ATRNL1: variants seen among roughly 807,000 people sequenced by gnomAD.
ATRNL1 encodes attractin-like protein 1.
ATRNL1 carries 95 observed loss-of-function variants against 182.7 expected under a neutral mutation model. The observed-to-expected ratio is 0.52, with a 90% CI of 0.44 to 0.62. ATRNL1 has a LOEUF of 0.62. Ranked by LOEUF, ATRNL1 falls within the 20% of genes least tolerant of loss-of-function variation. The pLI is 0.00. For missense variants in ATRNL1, 1,471 were observed against 1,679.5 expected (o/e 0.88, Z 2.17); for synonymous variants, 576 against 568.3 (o/e 1.01, Z -0.19).
chr10:115,714,169 T>A lies in ATRNL1; in HGVS notation c.3796-13079T>A, dbSNP rs142577333. 1.6e-3 allele frequency among the ~76,000 whole-genome samples: 249 copies of A among 151,964 alleles called. 4 individuals are homozygous for A. The highest frequency in any genetic ancestry group is 5.6e-3 in the African/African-American group (232 of 41,234). Reference sequence around the variant, plus strand: ...TAAGGAAATGGAGTGGCTTATTTGATTTCTAAATTTAAGTGAAATAAACAG... The same window carrying A: ...TAAGGAAATGGAGTGGCTTATTTGAATTCTAAATTTAAGTGAAATAAACAG... On this transcript the variant is annotated intron_variant, in intron 26 of 28. Transcript: ENST00000355044.
chr10:115,699,570 A>G (rs1555050863), intron 26 of ATRNL1, among the ~76,000 whole-genome samples: 1 of 152,202 alleles, frequency 6.6e-6, no homozygotes, highest in African/African-American at 2.4e-5. Flanking sequence ...TTCACACAGA[A>G]ACATAAATGG....
At chr10:115,939,297 C>T (rs782639836) in intron 28 of ATRNL1, among the ~76,000 whole-genome samples, 1 of 152,178 alleles carries the variant, frequency 6.6e-6, no homozygotes, top group Admixed American at 6.5e-5. Flanking sequence ...AGAGCAGCCA[C>T]TGGGCCTGCT....
chr10:115,695,067 A>G (rs1946516431), intron 26 of ATRNL1, among the ~76,000 whole-genome samples: 1 of 152,090 alleles, frequency 6.6e-6, no homozygotes, highest in African/African-American at 2.4e-5. Flanking sequence ...ACTGTTTTTC[A>G]TAAAATAAGG....
intron 26 of ATRNL1, among the ~76,000 whole-genome samples, chr10:115,628,248 T>A (rs1858239249): frequency 6.6e-6 from 1 of 152,144 alleles, no homozygotes; most frequent in Non-Finnish European, 1.5e-5. Flanking sequence ...TTGCCATCAC[T>A]TATTTTTGAT....
At chr10:115,226,227 C>T (rs999290125) in intron 9 of ATRNL1, among the ~76,000 whole-genome samples, 51 of 151,868 alleles carry the variant, frequency 3.4e-4, no homozygotes, top group African/African-American at 1.2e-3. Context: ...GAATATTAAG[C>T]CCTACCTCAC....
chr10:115,912,030 G>A (rs938384220), intron 28 of ATRNL1, among the ~76,000 whole-genome samples: 6 of 152,146 alleles, frequency 3.9e-5, no homozygotes, highest in African/African-American at 1.4e-4. Context: ...TTGAATCTCA[G>A]GCTTGTGACT....
intron 21 of ATRNL1, among the ~76,000 whole-genome samples, chr10:115,454,059 A>T (rs1050966965): frequency 6.6e-6 from 1 of 152,116 alleles, no homozygotes; most frequent in African/African-American, 2.4e-5. Context: ...GTAAGTCTTT[A>T]ATCCACTTTG....
At chr10:115,117,697 T>C (rs1300636144) in intron 1 of ATRNL1, among the ~76,000 whole-genome samples, 3 of 152,092 alleles carry the variant, frequency 2.0e-5, no homozygotes, top group Non-Finnish European at 4.4e-5. Context: ...ATTGATTTCC[T>C]TTCTTTTGGG....
intron 1 of ATRNL1, among the ~76,000 whole-genome samples, chr10:115,108,324 A>G (rs956470384): frequency 4.6e-5 from 7 of 152,182 alleles, no homozygotes; most frequent in Non-Finnish European, 7.3e-5. Flanking sequence ...ATCATCATGC[A>G]CCAGGAAAAT....
At chr10:115,325,033 A>G (rs1407402897) in intron 18 of ATRNL1, among the ~76,000 whole-genome samples, 1 of 152,176 alleles carries the variant, frequency 6.6e-6, no homozygotes, top group Non-Finnish European at 1.5e-5. Flanking sequence ...AAAATTTATT[A>G]AGATTGTCAC....
At chr10:115,794,495 TCAGTATACAACAGTTTCA>T (rs1949603843) in intron 27 of ATRNL1, among the ~76,000 whole-genome samples, 1 of 152,198 alleles carries the variant, frequency 6.6e-6, no homozygotes, top group East Asian at 1.9e-4. Flanking sequence ...TTTAGTTTCC[TCAGTATACAACAGTTTCA>T]CAGTCTTTCC....
intron 1 of ATRNL1, among the ~76,000 whole-genome samples, chr10:115,094,272 G>A (rs1248867162): frequency 6.6e-6 from 1 of 152,196 alleles, no homozygotes; most frequent in East Asian, 1.9e-4. Flanking sequence ...TGACCAACGG[G>A]GAGCTAGGCA....
rs368926428 is a variant in ATRNL1 at position 115,336,935 on chromosome 10, T to C, written c.3175+2516T>C. ...ATCTCGGCTCACTGCAACCTCTGTG[T>C]CCTGGGTTCAAGCAATTCTCCTGCC... is the stretch of plus-strand genomic sequence containing the variant. On this transcript the variant is annotated intron_variant, in intron 19 of 28. Transcript: ENST00000355044. 4.0e-5 allele frequency among the ~76,000 whole-genome samples: 6 copies of C among 148,436 alleles called. No individual in the cohort carries two copies. The East Asian group carries it at 1.0e-3, about 25-fold the overall frequency.
intron 28 of ATRNL1, among the ~76,000 whole-genome samples, chr10:115,890,443 C>T (rs1472640584): frequency 1.3e-5 from 2 of 152,152 alleles, no homozygotes; most frequent in Admixed American, 1.3e-4. Context: ...TTAAGATTTG[C>T]AGTAATGGTG....
At chr10:115,388,168 T>A (rs1843766469) in intron 19 of ATRNL1, among the ~76,000 whole-genome samples, 1 of 152,198 alleles carries the variant, frequency 6.6e-6, no homozygotes, top group Non-Finnish European at 1.5e-5. Flanking sequence ...TTTAGGCCTT[T>A]TACAGTTTTT....
chr10:115,329,142 A>C (rs533907278), intron 18 of ATRNL1, among the ~76,000 whole-genome samples: 2 of 152,032 alleles, frequency 1.3e-5, no homozygotes, highest in Non-Finnish European at 2.9e-5. Flanking sequence ...TGTCAATTTT[A>C]TAATTTACCC....
chr10:115,122,502 A>T lies in ATRNL1; in HGVS notation c.491+690A>T, dbSNP rs558873912. 1.1e-3 allele frequency among the ~76,000 whole-genome samples: 164 copies of T among 152,042 alleles called. 1 individual carries two copies. Among genetic ancestry groups the T allele is most frequent in the African/African-American group, 3.7e-3 (152 of 41,544 alleles). ...CATGATTGTTGATAAGTTACTCATT[A>T]TATTATTTACTTTTGCTATTTATAC... On this transcript the variant is annotated intron_variant, in intron 3 of 28. Transcript: ENST00000355044.
At chr10:115,105,398 T>C (rs1843963061) in intron 1 of ATRNL1, among the ~76,000 whole-genome samples, 1 of 152,206 alleles carries the variant, frequency 6.6e-6, no homozygotes, top group Non-Finnish European at 1.5e-5. Context: ...TTGGGAAATG[T>C]ACAGCCTGAC....
At chr10:115,281,273 C>G in intron 13 of ATRNL1, 82 bp from the exon 14 acceptor site, 4 of 1,215,098 alleles carry the variant, frequency 3.3e-6, no homozygotes, top group Non-Finnish European at 4.5e-6. Context: ...TTAAAGTTCA[C>G]CAGAGGATTT....
Sources: gnomAD v4.1 joint callset for allele counts (sites outside exome capture counted in the v4.1 genomes callset) on GRCh38, gnomAD v4.1.1 for gene constraint, MANE v1.5 for transcripts, NCBI Gene and HGNC (gene_info 2026-07-23, HGNC 2026-07-21) for gene names.